The following OPN4 variants were observed in gnomAD, a reference collection of about 807,000 sequenced individuals.
OPN4 encodes the protein opsin 4.
A neutral mutation model predicts 49.5 loss-of-function variants in OPN4; 43 were observed. The observed-to-expected ratio is 0.87, with a 90% CI of 0.68 to 1.12. OPN4 has a LOEUF of 1.12. Ranked by LOEUF, OPN4 falls within the 50% of genes most tolerant of loss-of-function variation. The probability of loss-of-function intolerance (pLI) is 0.00; values close to 1 mark genes in which losing one functional copy is unlikely to be tolerated. For synonymous variants in OPN4, 263 were observed against 258.0 expected, an observed-to-expected ratio of 1.02 and a Z score of -0.19; for missense variants, 657 against 643.9, an observed-to-expected ratio of 1.02 and a Z score of -0.22.
chr10:86,663,724 C>G lies in OPN4; in HGVS notation c.1320C>G (p.Leu440=), dbSNP rs34219180. ...CCCAGCAAGCAAATGGGCGGTCCCT[C>G]TACGGTCAGGGTCTGGAGGACTTGG... ...GAAQQANGRS[L]YGQGLEDLEA... Residue 440 remains leucine, a synonymous_variant, in exon 9 of 10, where the codon CTC becomes CTG. Transcript: ENST00000241891. 2,127 of 1,582,420 alleles carry G rather than the reference C, an allele frequency of 1.3e-3. 27 individuals carry two copies. The African/African-American group carries it at 0.026, about 19-fold the overall frequency.
chr10:86,661,762 G>A (rs1157636782), intron 7 of OPN4, among the ~76,000 whole-genome samples: 3 of 149,090 alleles, frequency 2.0e-5, no homozygotes, highest in Non-Finnish European at 4.5e-5. Context: ...CTGCTCCCAG[G>A]GCCTGGCAGG....
chr10:86,665,110 G>T (rs753293059), intron 9 of OPN4, among the ~76,000 whole-genome samples: 5 of 152,172 alleles, frequency 3.3e-5, no homozygotes, highest in Non-Finnish European at 7.4e-5. Flanking sequence ...CAGGGGCACA[G>T]GGGAGGGAGC....
rs550111603 is a variant in OPN4, at chr10:86,659,557, C to G, written c.800+89C>G. The G allele has an allele frequency of 1.8e-4, 272 of 1,500,652 alleles. 3 individuals are homozygous for G. Among genetic ancestry groups the G allele is most frequent in the Non-Finnish European group, 1.9e-5 (21 of 1,120,764 alleles). 93.0% of individuals were successfully genotyped at this position (1,500,652 alleles called of 1,614,324 possible). On this transcript the variant is annotated intron_variant, in intron 5 of 9. Transcript: ENST00000241891. ...GCCCCACCACTCACACCTGCACCAG[C>G]CTACCAGAGCATGACCAGTGGGTGA...
chr10:86,656,069 G>C, intron 1 of OPN4, 86 bp from the exon 2 acceptor site: 3 of 1,574,542 alleles, frequency 1.9e-6, no homozygotes, highest in Non-Finnish European at 2.6e-6. Context: ...CACCTGCCCT[G>C]TTGAGAATCC....
intron 4 of OPN4, among the ~76,000 whole-genome samples, chr10:86,659,004 C>A (rs554143080): frequency 1.3e-5 from 2 of 152,178 alleles, no homozygotes; most frequent in Non-Finnish European, 2.9e-5. Context: ...GAAGGTGGAA[C>A]GGTGGAGAGC....
Position 86,658,523 on chromosome 10 carries a change from T to C in OPN4, c.464T>C (p.Ile155Thr). 6.2e-7 allele frequency: 1 copy of C among 1,614,212 alleles called. No individual in the cohort carries two copies. Among genetic ancestry groups the C allele is most frequent in the African/African-American group, 1.3e-5 (1 of 75,066 alleles). Reference sequence around the variant, plus strand: ...GCCTTCTGTGGAGCTCTCTTTGGCATTTCCTCCATGATCACCCTGACGGCC... The same window carrying C: ...GCCTTCTGTGGAGCTCTCTTTGGCACTTCCTCCATGATCACCCTGACGGCC... ...FYAFCGALFGISSMITLTAIA... is the reference protein window; with the variant it reads ...FYAFCGALFGTSSMITLTAIA... The change falls in exon 4 of 10, where the codon ATT becomes ACT. Residue 155 changes from isoleucine to threonine, a missense_variant. Transcript: ENST00000241891.
At position 86,656,139 on chromosome 10, in the gene OPN4, C is replaced by T. The variant is rs777076393; in HGVS notation, c.145-16C>T. ...AAGCGATAACATGATTCCCTCGTTTCTCTGTCTCTCCGCAGGCACCTGGGA... is the reference window on the plus strand; with the variant it reads ...AAGCGATAACATGATTCCCTCGTTTTTCTGTCTCTCCGCAGGCACCTGGGA... On this transcript the variant is annotated splice_polypyrimidine_tract_variant and intron_variant, in intron 1 of 9. Coordinates refer to ENST00000241891, the MANE Select transcript of OPN4 (RefSeq NM_033282.4). The T allele has an allele frequency of 3.5e-5, 56 of 1,614,190 alleles. No individual in the cohort carries two copies. Among genetic ancestry groups the T allele is most frequent in the Non-Finnish European group, 4.6e-5 (54 of 1,180,010 alleles).
chr10:86,655,189 C>A (rs1358470515), intron 1 of OPN4, among the ~76,000 whole-genome samples: 1 of 152,202 alleles, frequency 6.6e-6, no homozygotes, highest in African/African-American at 2.4e-5. Context: ...AATGGCCAGA[C>A]CTGTCCTTGG....
At chr10:86,657,501 C>T (rs575601808) in intron 2 of OPN4, among the ~76,000 whole-genome samples, 12 of 152,042 alleles carry the variant, frequency 7.9e-5, no homozygotes, top group Admixed American at 2.6e-4. Context: ...CCAGGCAGGA[C>T]GTGACACTGG....
Position 86,659,978 on chromosome 10 carries a change from C to T in OPN4, c.884C>T (p.Ala295Val), listed in dbSNP as rs1327820857. 1.2e-6 allele frequency: 2 copies of T among 1,614,202 alleles called. No homozygotes were observed. Among genetic ancestry groups the T allele is most frequent in the Non-Finnish European group, 8.5e-7 (1 of 1,180,018 alleles). Residue 295 changes from alanine (A) to valine (V), a missense_variant, in exon 6 of 10, where the codon GCC becomes GTC. By Grantham distance (64) the Ala-to-Val change is moderately conservative (BLOSUM62 0). Transcript: ENST00000241891. Reference sequence around the variant, plus strand: ...CGGCTGCAGAGCGAGTGCAAGATGGCCAAGATCATGCTGCTGGTCATCCTC... The same window carrying T: ...CGGCTGCAGAGCGAGTGCAAGATGGTCAAGATCATGCTGCTGGTCATCCTC... ...RQRLQSECKM[A>V]KIMLLVILLF... is the part of the protein sequence containing the mutation.
rs768506061 is a variant in OPN4, at chr10:86,662,321, C to G, written c.1143C>G (p.Pro381=). ...LLGVSRRHSR[P]YPSYRSTHRS... ...GTGTATCACGCCGGCACAGTCGCCC[C>G]TACCCCAGCTACCGCTCCACCCACC... The change falls in exon 8 of 10, where the codon CCC becomes CCG. Residue 381 remains proline, a synonymous_variant. Transcript: ENST00000241891. The G allele has an allele frequency of 6.2e-7, 1 of 1,604,320 alleles. No individual in the cohort carries two copies. The highest frequency in any genetic ancestry group is 1.3e-5 in the African/African-American group (1 of 74,830).
chr10:86,665,936 T>G lies in OPN4; in HGVS notation c.*185T>G. The G allele has an allele frequency of 1.7e-6, 1 of 578,904 alleles. No homozygotes were observed. The highest frequency in any genetic ancestry group is 3.3e-5 in the Admixed American group (1 of 30,250). The allele number at this position is 578,904 out of a possible 1,614,324, so 35.9% of individuals were successfully genotyped here. A position where few individuals can be genotyped will look rare whatever the true frequency, so the allele number is the denominator to read the frequency against. On this transcript the variant is annotated 3_prime_UTR_variant, in exon 10 of 10. Transcript: ENST00000241891. Reference sequence around the variant, plus strand: ...TCCACACCTCAAAACTCCTGCCCCATAACGTCCTCCGCATCCACTTTCCAG... The same window carrying G: ...TCCACACCTCAAAACTCCTGCCCCAGAACGTCCTCCGCATCCACTTTCCAG...
Position 86,665,857 on chromosome 10 carries a change from T to A in OPN4, c.*106T>A, listed in dbSNP as rs920695196. 8.6e-6 allele frequency: 8 copies of A among 927,116 alleles called. No individual in the cohort carries two copies. In the African/African-American group the frequency reaches 1.3e-4, roughly 15 times the overall value. The allele number at this position is 927,116 out of a possible 1,614,324, so 57.4% of individuals were successfully genotyped here. On this transcript the variant is annotated 3_prime_UTR_variant, in exon 10 of 10. Transcript: ENST00000241891. Reference sequence around the variant, plus strand: ...GCTGTGAGCCTGCAGGCTTTGGAAGTGGCCCTGTCACCCGTGCTGCACGGG... The same window carrying A: ...GCTGTGAGCCTGCAGGCTTTGGAAGAGGCCCTGTCACCCGTGCTGCACGGG...
chr10:86,654,766 G>A lies in OPN4; in HGVS notation c.-18G>A. 6.2e-7 allele frequency: 1 copy of A among 1,604,618 alleles called. No homozygotes were observed. The stretch of plus-strand genomic sequence containing the variant: ...TTGACTTCTCTGTGGGCTCGAGCAA[G>A]GACCATCCCAACTCAGGATGAACCC... On this transcript the variant is annotated 5_prime_UTR_variant, in exon 1 of 10. Coordinates refer to ENST00000241891, the MANE Select transcript of OPN4 (RefSeq NM_033282.4).
At position 86,657,215 on chromosome 10, in the gene OPN4, C is replaced by T. The variant is rs184821983; in HGVS notation, c.291-817C>T. 8.7e-5 allele frequency: 68 copies of T among 780,830 alleles called. No individual in the cohort carries two copies. In the East Asian group the frequency reaches 1.6e-3, roughly 19 times the overall value. 48.4% of individuals were successfully genotyped at this position (780,830 alleles called of 1,614,324 possible). A position where few individuals can be genotyped will look rare whatever the true frequency, so the allele number is the denominator to read the frequency against. ...AACAGAGCTGTGCTTCGTGGAGTCA[C>T]TGTGATGATGCAGTAAGTTCACGGA... On this transcript the variant is annotated intron_variant, in intron 2 of 9. Coordinates refer to ENST00000241891, the MANE Select transcript of OPN4 (RefSeq NM_033282.4).
At position 86,654,816 on chromosome 10, in the gene OPN4, C is replaced by T. The variant is rs1458021462; in HGVS notation, c.33C>T (p.Pro11=). The T allele has an allele frequency of 2.6e-6, 4 of 1,560,064 alleles. No homozygotes were observed. Among genetic ancestry groups the T allele is most frequent in the Admixed American group, 1.7e-5 (1 of 59,802 alleles). MNPPSGPRVP[P]SPTQEPSCMA... is the part of the protein sequence containing the mutation. ...CTCCTTCGGGGCCAAGAGTCCCGCCCAGCCCAACCCAAGAGCCCAGCTGCA... is the reference window on the plus strand; with the variant it reads ...CTCCTTCGGGGCCAAGAGTCCCGCCTAGCCCAACCCAAGAGCCCAGCTGCA... The change falls in exon 1 of 10, where the codon CCC becomes CCT. Residue 11 remains proline, a synonymous_variant. Transcript: ENST00000241891.
intron 6 of OPN4, 77 bp downstream of exon 6, chr10:86,660,136 TC>T: frequency 1.3e-6 from 2 of 1,522,832 alleles, no homozygotes; most frequent in Non-Finnish European, 1.8e-6. Context: ...AGCCTCTCCT[TC>T]CCAGCCCAAC....
intron 2 of OPN4, chr10:86,657,086 G>C: frequency 1.4e-6 from 1 of 698,842 alleles, no homozygotes; most frequent in South Asian, 1.6e-5. Context: ...GGTGGAGAAG[G>C]GAACCCAGGC....
Position 86,658,077 on chromosome 10 carries a change from C to A in OPN4, c.336C>A (p.Leu112=). ...CTGCCAACATGTTCATTATCAACCT[C>A]GCGGTCAGCGACTTCCTCATGTCCT... ...RTPANMFIIN[L]AVSDFLMSFT... is the part of the protein sequence containing the mutation. The change falls in exon 3 of 10, where the codon CTC becomes CTA. Residue 112 remains leucine, a synonymous_variant. Transcript: ENST00000241891. 1.2e-6 allele frequency: 2 copies of A among 1,614,006 alleles called. No homozygotes were observed. The highest frequency in any genetic ancestry group is 1.7e-6 in the Non-Finnish European group (2 of 1,180,032).
Sources: allele counts gnomAD v4.1 joint callset (sites outside exome capture counted in the v4.1 genomes callset), GRCh38; gene constraint gnomAD v4.1.1; transcripts MANE v1.5; gene names NCBI Gene and HGNC (gene_info 2026-07-23, HGNC 2026-07-21).